The following ZMAT4 variants were observed in gnomAD, a reference collection of about 807,000 sequenced individuals.
ZMAT4 encodes the protein zinc finger matrin-type protein 4.
A neutral mutation model predicts 28.7 loss-of-function variants in ZMAT4; 17 were observed. The ratio of observed to expected loss-of-function variants is 0.59; its 90% confidence interval spans 0.41 to 0.89. The LOEUF is 0.89. Ranked by LOEUF, ZMAT4 falls within the 40% of genes least tolerant of loss-of-function variation. The pLI is 0.00. For missense variants in ZMAT4, 240 were observed against 283.8 expected, an observed-to-expected ratio of 0.85 and a Z score of 1.11; for synonymous variants, 117 against 109.2, an observed-to-expected ratio of 1.07 and a Z score of -0.44.
intron 5 of ZMAT4, among the ~76,000 whole-genome samples, chr8:40,587,339 C>A (rs1804703179): frequency 6.6e-6 from 1 of 152,064 alleles, no homozygotes; most frequent in African/African-American, 2.4e-5. Context: ...AAAGAAAAAT[C>A]TCAGAAATTA....
At position 40,822,580 on chromosome 8, in the gene ZMAT4, C is replaced by G. The variant is rs540922741; in HGVS notation, c.102+2995G>C. ...TCAGTTTTCAAATGGCCTTAGAGAT[C>G]ATCTGATGCAAGCCATCTTCTTAGA... is the stretch of plus-strand genomic sequence containing the variant. On this transcript the variant is annotated intron_variant, in intron 2 of 6. Transcript: ENST00000297737. Among the ~76,000 whole-genome samples the G allele has an allele frequency of 1.5e-3, 234 of 152,286 alleles. 1 individual carries two copies. Among genetic ancestry groups the G allele is most frequent in the African/African-American group, 5.4e-3 (225 of 41,564 alleles).
At chr8:40,833,762 A>G (rs1481508842) in intron 1 of ZMAT4, among the ~76,000 whole-genome samples, 1 of 152,146 alleles carries the variant, frequency 6.6e-6, no homozygotes, top group East Asian at 1.9e-4. Context: ...GTGAAGGTCA[A>G]GTACACAGCC....
intron 2 of ZMAT4, among the ~76,000 whole-genome samples, chr8:40,821,735 C>G (rs1259009207): frequency 6.6e-6 from 1 of 152,208 alleles, no homozygotes; most frequent in African/African-American, 2.4e-5. Flanking sequence ...CCACCACCAA[C>G]TATCTATCAT....
chr8:40,742,009 C>G (rs937629675), intron 3 of ZMAT4, among the ~76,000 whole-genome samples: 1 of 151,822 alleles, frequency 6.6e-6, no homozygotes, highest in African/African-American at 2.4e-5. Flanking sequence ...GAGGCTGAGG[C>G]GGGCAGATCA....
intron 4 of ZMAT4, among the ~76,000 whole-genome samples, chr8:40,695,313 G>C (rs1438793447): frequency 6.6e-6 from 1 of 152,208 alleles, no homozygotes; most frequent in Non-Finnish European, 1.5e-5. Flanking sequence ...CCAGGAGCCA[G>C]TTTAGCTTCC....
intron 1 of ZMAT4, among the ~76,000 whole-genome samples, chr8:40,850,743 G>A (rs751912935): frequency 2.6e-5 from 4 of 152,090 alleles, no homozygotes; most frequent in African/African-American, 7.2e-5. Context: ...GAGACATTAC[G>A]TAAACCCTCA....
chr8:40,841,378 G>A (rs1816695680), intron 1 of ZMAT4, among the ~76,000 whole-genome samples: 1 of 152,176 alleles, frequency 6.6e-6, no homozygotes, highest in Admixed American at 6.5e-5. Flanking sequence ...AGCCACTCCA[G>A]AGGCCGCCCC....
At chr8:40,676,733 A>T (rs1252973533) in intron 4 of ZMAT4, among the ~76,000 whole-genome samples, 3 of 152,168 alleles carry the variant, frequency 2.0e-5, no homozygotes, top group African/African-American at 7.2e-5. Context: ...GCTAGTTTAG[A>T]TTAAACTTAA....
intron 4 of ZMAT4, among the ~76,000 whole-genome samples, chr8:40,690,672 C>A (rs1305156108): frequency 6.6e-6 from 1 of 152,060 alleles, no homozygotes; most frequent in African/African-American, 2.4e-5. Flanking sequence ...ATGTATTATT[C>A]AAAATTTGAA....
intron 3 of ZMAT4, among the ~76,000 whole-genome samples, chr8:40,749,853 C>G (rs770527983): frequency 1.3e-5 from 2 of 152,174 alleles, no homozygotes; most frequent in Non-Finnish European, 2.9e-5. Flanking sequence ...TGCCCTCTGC[C>G]CCTTCCTTAG....
intron 2 of ZMAT4, among the ~76,000 whole-genome samples, chr8:40,774,322 T>G (rs528729873): frequency 4.6e-5 from 7 of 152,300 alleles, no homozygotes; most frequent in African/African-American, 1.7e-4. Context: ...AAAAAATGTG[T>G]TTCTTTCTCC....
At chr8:40,727,462 C>T (rs951407003) in intron 3 of ZMAT4, among the ~76,000 whole-genome samples, 13 of 152,146 alleles carry the variant, frequency 8.5e-5, no homozygotes, top group African/African-American at 3.1e-4. Flanking sequence ...AATCCAACCA[C>T]GATGCCACCC....
chr8:40,794,015 C>T (rs1464595547), intron 2 of ZMAT4, among the ~76,000 whole-genome samples: 1 of 152,234 alleles, frequency 6.6e-6, no homozygotes, highest in Non-Finnish European at 1.5e-5. Flanking sequence ...AGAATGTCCA[C>T]TTTCACCAAA....
chr8:40,580,160 G>C (rs1023884923), intron 6 of ZMAT4, among the ~76,000 whole-genome samples: 2 of 151,784 alleles, frequency 1.3e-5, no homozygotes, highest in Non-Finnish European at 2.9e-5. Flanking sequence ...CTACAGGCAC[G>C]TGCCACCACG....
At chr8:40,701,464 C>G (rs996957063) in intron 3 of ZMAT4, among the ~76,000 whole-genome samples, 1 of 150,146 alleles carries the variant, frequency 6.7e-6, no homozygotes, top group Non-Finnish European at 1.5e-5. Context: ...GCCACTAACA[C>G]TAACTGCTCT....
intron 6 of ZMAT4, among the ~76,000 whole-genome samples, chr8:40,566,141 C>T (rs1160612582): frequency 6.6e-6 from 1 of 152,122 alleles, no homozygotes; most frequent in African/African-American, 2.4e-5. Flanking sequence ...AAGGAAAGTT[C>T]TGATGTTCCT....
intron 4 of ZMAT4, among the ~76,000 whole-genome samples, chr8:40,687,185 T>C (rs182971186): frequency 6.6e-6 from 1 of 152,152 alleles, no homozygotes; most frequent in South Asian, 2.1e-4. Context: ...GATGTGGAAT[T>C]ACTTAGCCAG....
chr8:40,827,379 A>G (rs1259228809), intron 1 of ZMAT4, among the ~76,000 whole-genome samples: 2 of 152,232 alleles, frequency 1.3e-5, no homozygotes, highest in African/African-American at 4.8e-5. Flanking sequence ...TGTTGGCAAG[A>G]TGTTGGCCAA....
At chr8:40,843,054 GGC>G (rs1816757334) in intron 1 of ZMAT4, among the ~76,000 whole-genome samples, 1 of 152,200 alleles carries the variant, frequency 6.6e-6, no homozygotes, top group South Asian at 2.1e-4. Context: ...TGGGATTACA[GGC>G]ATAAGCCACT....
Sources: gnomAD v4.1 joint callset for allele counts (sites outside exome capture counted in the v4.1 genomes callset) on GRCh38, gnomAD v4.1.1 for gene constraint, MANE v1.5 for transcripts, NCBI Gene and HGNC (gene_info 2026-07-23, HGNC 2026-07-21) for gene names.